Variants in SMTNL2 observed in about 807,000 individuals in gnomAD.
SMTNL2 encodes the protein smoothelin-like protein 2.
SMTNL2 carries 43 observed loss-of-function variants against 44.1 expected under a neutral mutation model. That is an observed-to-expected ratio of 0.98 (90% CI 0.76 to 1.26). The LOEUF (loss-of-function observed/expected upper bound fraction) is 1.26. Ranked by LOEUF, SMTNL2 falls within the 50% of genes most tolerant of loss-of-function variation. The pLI is 0.00. For missense variants in SMTNL2, 646 were observed against 670.2 expected (o/e 0.96, Z 0.40); for synonymous variants, 317 against 287.6 (o/e 1.10, Z -1.03).
Position 4,593,026 on chromosome 17 carries a change from G to T in SMTNL2, c.585G>T (p.Gln195His), listed in dbSNP as rs1181976038. The T allele has an allele frequency of 1.9e-6, 3 of 1,614,032 alleles. No individual in the cohort carries two copies. Among genetic ancestry groups the T allele is most frequent in the Non-Finnish European group, 2.5e-6 (3 of 1,179,980 alleles). ...PVSLSLRLPH[Q>H]PVTAITRVSD... is the part of the protein sequence containing the mutation. ...GCCTCTCCTTGCGGCTGCCCCACCA[G>T]CCAGTCACGGCCATCACCCGAGTCT... Residue 195 changes from glutamine to histidine, a missense_variant, in exon 3 of 8, where the codon CAG (glutamine) becomes CAT (histidine). Gln to His is a conservative substitution (Grantham distance 24). Transcript: ENST00000389313.
chr17:4,597,289 CAGA>C lies in SMTNL2; in HGVS notation c.1230_1232del (p.Lys410del), dbSNP rs752256406. 17 of 1,614,036 alleles carry C rather than the reference CAGA, an allele frequency of 1.1e-5. No homozygotes were observed. The highest frequency in any genetic ancestry group is 1.4e-5 in the Non-Finnish European group (16 of 1,179,992). On this transcript the variant is annotated inframe_deletion, in exon 7 of 8. Transcript: ENST00000389313. ...CAACTCCCTGAGCCCCACGCAGAGG[CAGA>C]AGAACTTCGAGCTGGCTTTCACCAT... is the stretch of plus-strand genomic sequence containing the variant.
At chr17:4,596,346 C>G (rs886346552) in intron 5 of SMTNL2, among the ~76,000 whole-genome samples, 1 of 152,256 alleles carries the variant, frequency 6.6e-6, no homozygotes, top group African/African-American at 2.4e-5. Flanking sequence ...GACATCTCCC[C>G]ACTGGCCCCA....
At chr17:4,606,583 A>G (rs1232208025) in intron 7 of SMTNL2, among the ~76,000 whole-genome samples, 1 of 152,064 alleles carries the variant, frequency 6.6e-6, no homozygotes, top group Non-Finnish European at 1.5e-5. Flanking sequence ...TAACATAGTG[A>G]GACCCCATCT....
chr17:4,599,063 C>T (rs1909928726), intron 7 of SMTNL2, among the ~76,000 whole-genome samples: 1 of 152,138 alleles, frequency 6.6e-6, no homozygotes, highest in African/African-American at 2.4e-5. Flanking sequence ...AGATAGCTGC[C>T]CCTCTCTGGG....
In SMTNL2 at chr17:4,592,305, G is replaced by T. The variant is rs1226338223; in HGVS notation, c.400-56G>T. On this transcript the variant is annotated intron_variant, in intron 1 of 7. Coordinates refer to ENST00000389313, the MANE Select transcript of SMTNL2 (RefSeq NM_001114974.2). This position sits in a 1 kb window ranked among gnomAD's most constrained non-coding sequence, Gnocchi z 4.5. ...GGGATTTGGGGGTGGGCAGCTTTTG[G>T]GGGTGGGCAGCTGGCCCTAGCTGAT... is the stretch of plus-strand genomic sequence containing the variant. The T allele has an allele frequency of 1.3e-6, 2 of 1,565,330 alleles. No homozygotes were observed. The highest frequency in any genetic ancestry group is 1.8e-6 in the Non-Finnish European group (2 of 1,140,872).
upstream of SMTNL2, among the ~76,000 whole-genome samples, chr17:4,584,337 C>G (rs1243965139): frequency 1.3e-5 from 2 of 152,186 alleles, no homozygotes; most frequent in African/African-American, 4.8e-5. Flanking sequence ...GGCCGCACGC[C>G]GCTCCTCCGG....
Position 4,592,145 on chromosome 17 carries a change from G to A in SMTNL2, c.400-216G>A, listed in dbSNP as rs1270163055. On this transcript the variant is annotated intron_variant, in intron 1 of 7. Transcript: ENST00000389313. This position sits in a 1 kb window ranked among gnomAD's most constrained non-coding sequence, Gnocchi z 4.5. ...ACTCTGGGAGGAGCCCAGTGGAGGT[G>A]TTTGCCTCCCAGGATCGCAGGGGCT... is the stretch of plus-strand genomic sequence containing the variant. Among the ~76,000 whole-genome samples, 1 of 152,256 alleles carries A rather than the reference G, an allele frequency of 6.6e-6. No individual in the cohort carries two copies. The highest frequency in any genetic ancestry group is 2.4e-5 in the African/African-American group (1 of 41,464).
intron 3 of SMTNL2, among the ~76,000 whole-genome samples, 164 bp downstream of exon 3, chr17:4,593,335 C>T (rs769809428): frequency 1.1e-4 from 17 of 152,358 alleles, no homozygotes; most frequent in Non-Finnish European, 2.2e-4. Context: ...CCCATCCTCC[C>T]GGGCTACTGC....
intron 6 of SMTNL2, 72 bp downstream of exon 6, chr17:4,597,049 T>C: frequency 6.7e-7 from 1 of 1,489,408 alleles, no homozygotes; most frequent in South Asian, 1.3e-5. Flanking sequence ...CCCCTGTCCT[T>C]GTTCTCCCGC....
chr17:4,584,653 G>T lies in SMTNL2; in HGVS notation c.48G>T (p.Ala16=), dbSNP rs970573540. Residue 16 remains alanine, a synonymous_variant, in exon 1 of 8, where the codon GCG becomes GCT. Coordinates refer to ENST00000389313, the MANE Select transcript of SMTNL2 (RefSeq NM_001114974.2). ...AGGAGGCGCGCACTGTGCGCGAGGC[G>T]CTGGGCCGCTACGAGGCGGCGCTGG... is the stretch of plus-strand genomic sequence containing the variant. ...DAQEARTVRE[A]LGRYEAALEG... 7 of 1,273,666 alleles carry T rather than the reference G, an allele frequency of 5.5e-6. No homozygotes were observed. The highest frequency in any genetic ancestry group is 4.2e-5 in the Admixed American group (1 of 23,592). The allele number at this position is 1,273,666 out of a possible 1,614,324, so 78.9% of individuals were successfully genotyped here. A position where few individuals can be genotyped will look rare whatever the true frequency, so the allele number is the denominator to read the frequency against.
chr17:4,593,581 C>T (rs1909674864), intron 3 of SMTNL2, among the ~76,000 whole-genome samples: 1 of 152,186 alleles, frequency 6.6e-6, no homozygotes, highest in Non-Finnish European at 1.5e-5. Context: ...GCCCTGGGCT[C>T]TGTGCTCTCA....
In SMTNL2 at chr17:4,584,847, TG is replaced by T; in HGVS notation, c.244del (p.Glu82ArgfsTer64). 7.5e-7 allele frequency: 1 copy of T among 1,326,478 alleles called. No homozygotes were observed. The highest frequency in any genetic ancestry group is 9.6e-7 in the Non-Finnish European group (1 of 1,039,004). The allele number at this position is 1,326,478 out of a possible 1,614,324, so 82.2% of individuals were successfully genotyped here. A position where few individuals can be genotyped will look rare whatever the true frequency, so the allele number is the denominator to read the frequency against. ...QAQLERLTRQVEALGLASGMS... is the reference protein window; with the variant it reads ...QAQLERLTRQXEALGLASGMS... ...CAGCTCGAGCGCCTGACGCGCCAGG[TG>T]GAGGCGCTGGGCTTGGCCAGCGGGA... On this transcript the variant is annotated frameshift_variant, in exon 1 of 8. Coordinates refer to ENST00000389313, the MANE Select transcript of SMTNL2 (RefSeq NM_001114974.2). LOFTEE classifies it high-confidence loss of function.
intron 7 of SMTNL2, among the ~76,000 whole-genome samples, chr17:4,601,045 A>G (rs978646114): frequency 1.3e-5 from 2 of 152,240 alleles, no homozygotes; most frequent in African/African-American, 4.8e-5. Flanking sequence ...AGACAGGAGT[A>G]GGAGAAAACC....
Position 4,595,020 on chromosome 17 carries a change from C to A in SMTNL2, c.807-125C>A. ...GCTAGGGACCGGAGCAAGGGGGCCT[C>A]TTCTCTGAGCGCCCATCACGGTGCA... On this transcript the variant is annotated intron_variant, in intron 4 of 7. Transcript: ENST00000389313. The surrounding 1 kb of genome is among the most constrained non-coding windows in gnomAD (Gnocchi z 5.1). The A allele has an allele frequency of 2.3e-6, 3 of 1,314,872 alleles. No homozygotes were observed. In the South Asian group the frequency reaches 3.8e-5, roughly 17 times the overall value. 81.5% of individuals were successfully genotyped at this position (1,314,872 alleles called of 1,614,324 possible). A position where few individuals can be genotyped will look rare whatever the true frequency, so the allele number is the denominator to read the frequency against.
rs1256391175 is a variant in SMTNL2, at chr17:4,595,154, G to C, written c.816G>C (p.Leu272=). The change falls in exon 5 of 8, where the codon CTG becomes CTC. Residue 272 remains leucine, a synonymous_variant. Transcript: ENST00000389313. The surrounding 1 kb of genome is among the most constrained non-coding windows in gnomAD (Gnocchi z 5.1). ...TASKHSNSPP[L]VTPPQSPVSP... ...GCGATTCTTTCCTCAGCCCACCGCT[G>C]GTGACACCACCCCAGTCGCCCGTGT... The C allele has an allele frequency of 2.5e-6, 4 of 1,613,072 alleles. No homozygotes were observed. The African/African-American group carries it at 5.3e-5, about 22-fold the overall frequency.
At position 4,607,695 on chromosome 17, in the gene SMTNL2, A is replaced by G. The variant is rs1567640010; in HGVS notation, c.*208A>G. ...GCTGTGGTCCGACAGCACTGATCAC[A>G]GCCAAGGGCTTGGAGGAAAAGGAAA... On this transcript the variant is annotated 3_prime_UTR_variant, in exon 8 of 8. Coordinates refer to ENST00000389313, the MANE Select transcript of SMTNL2 (RefSeq NM_001114974.2). The surrounding 1 kb of genome is among the most constrained non-coding windows in gnomAD (Gnocchi z 4.7). 3 of 691,262 alleles carry G rather than the reference A, an allele frequency of 4.3e-6. No individual in the cohort carries two copies. The highest frequency in any genetic ancestry group is 2.2e-6 in the Non-Finnish European group (1 of 458,370). The allele number at this position is 691,262 out of a possible 1,614,324, so 42.8% of individuals were successfully genotyped here. A position where few individuals can be genotyped will look rare whatever the true frequency, so the allele number is the denominator to read the frequency against.
At position 4,592,304 on chromosome 17, in the gene SMTNL2, G is replaced by C; in HGVS notation, c.400-57G>C. 1.9e-6 allele frequency: 3 copies of C among 1,556,800 alleles called. No individual in the cohort carries two copies. In the Admixed American group the frequency reaches 5.0e-5, roughly 26 times the overall value. On this transcript the variant is annotated intron_variant, in intron 1 of 7. Coordinates refer to ENST00000389313, the MANE Select transcript of SMTNL2 (RefSeq NM_001114974.2). The surrounding 1 kb of genome is among the most constrained non-coding windows in gnomAD (Gnocchi z 4.5). ...GGGGATTTGGGGGTGGGCAGCTTTT[G>C]GGGGTGGGCAGCTGGCCCTAGCTGA...
At chr17:4,594,312 G>A (rs552046310) in intron 4 of SMTNL2, among the ~76,000 whole-genome samples, 12 of 152,238 alleles carry the variant, frequency 7.9e-5, no homozygotes, top group African/African-American at 2.6e-4. Flanking sequence ...AGCTGGGCAT[G>A]GTGGTGGGTG....
chr17:4,599,501 C>T (rs775720572), intron 7 of SMTNL2, among the ~76,000 whole-genome samples: 1 of 152,092 alleles, frequency 6.6e-6, no homozygotes, highest in Non-Finnish European at 1.5e-5. Context: ...AGCACCCACT[C>T]CAGCGGCGAG....
Sources: gnomAD v4.1 joint callset for allele counts (sites outside exome capture counted in the v4.1 genomes callset) on GRCh38, gnomAD v4.1.1 for gene constraint, Gnocchi (gnomAD v3.1) non-coding constraint, MANE v1.5 for transcripts, NCBI Gene and HGNC (gene_info 2026-07-23, HGNC 2026-07-21) for gene names.